PRR16: variants seen among roughly 807,000 people sequenced by gnomAD.
The protein encoded by PRR16 is proline rich 16, also known as protein Largen.
A neutral mutation model predicts 18.2 loss-of-function variants in PRR16; 6 were observed. The ratio of observed to expected loss-of-function variants is 0.33; its 90% CI spans 0.18 to 0.65. The LOEUF is 0.65. Among genes scored for constraint, PRR16 ranks in the 30% least tolerant of loss-of-function variants. The probability of loss-of-function intolerance (pLI) is 0.74; values close to 1 mark genes in which losing one functional copy is unlikely to be tolerated. For synonymous variants in PRR16, 151 were observed against 147.8 expected (o/e 1.02, Z -0.16); for missense variants, 412 against 376.6 (o/e 1.09, Z -0.78).
intron 1 of PRR16, among the ~76,000 whole-genome samples, chr5:120,532,459 T>C (rs1357479390): frequency 1.3e-5 from 2 of 151,984 alleles, no homozygotes; most frequent in Non-Finnish European, 2.9e-5. Flanking sequence ...AACAACAAAA[T>C]TTACACTCCT....
At chr5:120,574,595 C>G (rs1753014894) in intron 1 of PRR16, among the ~76,000 whole-genome samples, 1 of 149,494 alleles carries the variant, frequency 6.7e-6, no homozygotes, top group Non-Finnish European at 1.5e-5. Context: ...GAGCAAGACT[C>G]TGTCTCAAAA....
At chr5:120,753,424 A>G in the PRR16 span, among the ~76,000 whole-genome samples, 1 of 152,112 alleles carries the variant, frequency 6.6e-6, no homozygotes, top group South Asian at 2.1e-4. Flanking sequence ...AAATGTCCCC[A>G]TTTGTTGAGA....
At chr5:120,641,423 A>C (rs1436409943) in intron 1 of PRR16, among the ~76,000 whole-genome samples, 1 of 152,076 alleles carries the variant, frequency 6.6e-6, no homozygotes, top group Non-Finnish European at 1.5e-5. Flanking sequence ...AAGAAATTGC[A>C]AGGGCATAGG....
chr5:120,739,924 T>C, the PRR16 span, among the ~76,000 whole-genome samples: 1 of 152,198 alleles, frequency 6.6e-6, no homozygotes, highest in African/African-American at 2.4e-5. Flanking sequence ...TTAAAATTTA[T>C]ATAATAGATG....
At chr5:120,673,594 G>C (rs1756689840) in intron 1 of PRR16, among the ~76,000 whole-genome samples, 1 of 152,032 alleles carries the variant, frequency 6.6e-6, no homozygotes, top group Non-Finnish European at 1.5e-5. Flanking sequence ...TTAGATATGG[G>C]CTGTCTATAT....
intron 1 of PRR16, among the ~76,000 whole-genome samples, chr5:120,666,991 A>T (rs1393911735): frequency 5.4e-4 from 79 of 147,602 alleles, no homozygotes; most frequent in African/African-American, 1.7e-3. Context: ...GTTAGGGAGG[A>T]TTCCCTCTTT....
the PRR16 span, among the ~76,000 whole-genome samples, chr5:120,778,497 C>G: frequency 7.2e-5 from 11 of 151,920 alleles, no homozygotes; most frequent in Non-Finnish European, 1.2e-4. Context: ...CTTTTGAGTA[C>G]AATGTTTTAA....
intron 1 of PRR16, among the ~76,000 whole-genome samples, chr5:120,488,208 G>T (rs900030263): frequency 2.6e-5 from 4 of 152,162 alleles, no homozygotes; most frequent in Non-Finnish European, 5.9e-5. Context: ...GATTGGAATA[G>T]TTTCAGAAGG....
the PRR16 span, among the ~76,000 whole-genome samples, chr5:120,720,089 T>A: frequency 1.3e-5 from 2 of 151,988 alleles, no homozygotes; most frequent in Non-Finnish European, 2.9e-5. Flanking sequence ...TTATTGATAT[T>A]TCATTTTGTC....
In PRR16 at chr5:120,505,258, G is replaced by T. The variant is rs1750602686; in HGVS notation, c.159+40613G>T. Among the ~76,000 whole-genome samples, 4 of 152,068 alleles carry T rather than the reference G, an allele frequency of 2.6e-5. No homozygotes were observed. The South Asian group carries it at 8.3e-4, about 32-fold the overall frequency. On this transcript the variant is annotated intron_variant, in intron 1 of 1. Coordinates refer to ENST00000407149, the MANE Select transcript of PRR16 (RefSeq NM_001300783.2). The stretch of plus-strand genomic sequence containing the variant: ...CTAATGTCTAAAGAAATACTGAAGG[G>T]GTCTTTAATAAAGAAACAATTTCTA...
intron 1 of PRR16, among the ~76,000 whole-genome samples, chr5:120,474,415 C>T (rs1177649525): frequency 6.6e-6 from 1 of 152,080 alleles, no homozygotes; most frequent in Non-Finnish European, 1.5e-5. Context: ...CCTCTTCCTA[C>T]TTTGCAATAG....
chr5:120,553,044 T>C (rs1752303400), intron 1 of PRR16, among the ~76,000 whole-genome samples: 1 of 151,866 alleles, frequency 6.6e-6, no homozygotes. Flanking sequence ...TAAATCATTT[T>C]CTTCCCTTTA....
chr5:120,539,703 A>T (rs1751846954), intron 1 of PRR16, among the ~76,000 whole-genome samples: 1 of 152,200 alleles, frequency 6.6e-6, no homozygotes, highest in South Asian at 2.1e-4. Context: ...TATCTGTGTC[A>T]GTAAAAAAGG....
chr5:120,751,867 T>A, the PRR16 span, among the ~76,000 whole-genome samples: 1 of 152,094 alleles, frequency 6.6e-6, no homozygotes, highest in Non-Finnish European at 1.5e-5. Context: ...ATTTATGTTT[T>A]CAGTGTACTT....
intron 1 of PRR16, among the ~76,000 whole-genome samples, chr5:120,488,863 T>C (rs977027993): frequency 6.6e-6 from 1 of 152,196 alleles, no homozygotes; most frequent in African/African-American, 2.4e-5. Flanking sequence ...TTTGTTCTCG[T>C]TGGTTTCAAA....
chr5:120,516,106 GC>G (rs1229437747), intron 1 of PRR16, among the ~76,000 whole-genome samples: 8 of 151,996 alleles, frequency 5.3e-5, no homozygotes, highest in Non-Finnish European at 1.0e-4. Context: ...CTGCTAGAAA[GC>G]AAAACCAAAC....
the PRR16 span, among the ~76,000 whole-genome samples, chr5:120,719,246 TTTGA>T: frequency 3.9e-5 from 6 of 152,046 alleles, no homozygotes; most frequent in East Asian, 3.9e-4. Context: ...ACCTAGTGAG[TTTGA>T]TTGACCAGAG....
chr5:120,643,074 C>T (rs192927115), intron 1 of PRR16, among the ~76,000 whole-genome samples: 1 of 151,858 alleles, frequency 6.6e-6, no homozygotes, highest in African/African-American at 2.4e-5. Context: ...TAAATATACT[C>T]GCAAAATATT....
At chr5:120,530,276 TA>T (rs1561533112) in intron 1 of PRR16, among the ~76,000 whole-genome samples, 224 of 124,780 alleles carry the variant, frequency 1.8e-3, no homozygotes, top group Admixed American at 3.4e-3. Flanking sequence ...TATATATATA[TA>T]TATATATTTA....
Sources: allele counts gnomAD v4.1 joint callset (sites outside exome capture counted in the v4.1 genomes callset), GRCh38; gene constraint gnomAD v4.1.1; transcripts MANE v1.5; gene names NCBI Gene and HGNC (gene_info 2026-07-23, HGNC 2026-07-21).